The following LARP1B variants were observed in gnomAD, a reference collection of about 807,000 sequenced individuals.
The protein encoded by LARP1B is la-related protein 1B.
A neutral mutation model predicts 114.2 loss-of-function variants in LARP1B; 76 were observed. That is an observed-to-expected ratio of 0.67 (90% CI 0.55 to 0.81). The LOEUF is 0.81. Among genes scored for constraint, LARP1B ranks in the 30% least tolerant of loss-of-function variants. The probability of loss-of-function intolerance (pLI) is 0.00; values close to 1 mark genes in which losing one functional copy is unlikely to be tolerated. For missense variants in LARP1B, 1,014 were observed against 1,075.8 expected (o/e 0.94, Z 0.80); for synonymous variants, 345 against 348.0 (o/e 0.99, Z 0.10).
chr4:128,153,293 A>G (rs1223059324), intron 11 of LARP1B, among the ~76,000 whole-genome samples: 1 of 18,774 alleles, frequency 5.3e-5, no homozygotes, highest in African/African-American at 2.9e-4. Flanking sequence ...TTGGTTTGCC[A>G]TTTATTTATT....
At chr4:128,108,087 C>T (rs1782720518) in intron 9 of LARP1B, 2 of 1,398,976 alleles carry the variant, frequency 1.4e-6, no homozygotes. Context: ...AGATAACCAC[C>T]TTTGCGATAA....
At chr4:128,077,694 T>G in intron 3 of LARP1B, 94 bp from the exon 4 acceptor site, 1 of 1,293,514 alleles carries the variant, frequency 7.7e-7, no homozygotes, top group Non-Finnish European at 1.0e-6. Context: ...GTCATTTGTT[T>G]TGCAATTTTA....
At chr4:128,160,551 A>G (rs748265473) in intron 11 of LARP1B, among the ~76,000 whole-genome samples, 8 of 152,088 alleles carry the variant, frequency 5.3e-5, no homozygotes, top group Non-Finnish European at 2.9e-5. Context: ...TATGTTATAC[A>G]TTAATGAATT....
At chr4:128,188,108 C>CT (rs1750954569) in intron 15 of LARP1B, among the ~76,000 whole-genome samples, 1 of 147,476 alleles carries the variant, frequency 6.8e-6, no homozygotes, top group Admixed American at 6.8e-5. Context: ...GAGTTTTGCT[C>CT]TTGTTGCCCA....
At chr4:128,117,499 C>T (rs1786288130) in intron 10 of LARP1B, among the ~76,000 whole-genome samples, 1 of 152,266 alleles carries the variant, frequency 6.6e-6, no homozygotes, top group Admixed American at 6.5e-5. Flanking sequence ...GATTCTCCTG[C>T]CTCAGCCTCC....
chr4:128,099,286 C>T (rs77127563), intron 8 of LARP1B, among the ~76,000 whole-genome samples: 2,319 of 146,334 alleles, frequency 0.016, 54 homozygotes, highest in East Asian at 0.099. Context: ...TTCTTTTTTT[C>T]TTTCTTTTTT....
In LARP1B at chr4:128,074,991, GGAGT is replaced by G; in HGVS notation, c.42+3_42+6del. 1 of 1,599,654 alleles carries G rather than the reference GGAGT, an allele frequency of 6.3e-7. No individual in the cohort carries two copies. Among genetic ancestry groups the G allele is most frequent in the Non-Finnish European group, 8.6e-7 (1 of 1,168,334 alleles). On this transcript the variant is annotated splice_donor_variant and coding_sequence_variant, in exon 3 of 20. Coordinates refer to ENST00000326639, the MANE Select transcript of LARP1B (RefSeq NM_018078.4). LOFTEE classifies it high-confidence loss of function. ...AACACCAAGTGAATTAGTGAACACT[GGAGT>G]GAGTATTGTTTTAAAGTTTTTTTTT...
At chr4:128,132,664 G>A (rs909093051) in intron 11 of LARP1B, among the ~76,000 whole-genome samples, 4 of 151,952 alleles carry the variant, frequency 2.6e-5, no homozygotes, top group Admixed American at 6.6e-5. Flanking sequence ...TGTGAAAGGA[G>A]CCATCATAAA....
chr4:128,078,706 C>T (rs1226381927), intron 4 of LARP1B, among the ~76,000 whole-genome samples: 2 of 151,966 alleles, frequency 1.3e-5, no homozygotes, highest in African/African-American at 2.4e-5. Flanking sequence ...ATATCCTTTT[C>T]CATTTTCTTT....
intron 11 of LARP1B, among the ~76,000 whole-genome samples, chr4:128,131,879 GATAACT>G (rs1275942761): frequency 6.6e-6 from 1 of 152,148 alleles, no homozygotes; most frequent in African/African-American, 2.4e-5. Context: ...TACCCAAAAG[GATAACT>G]ATAATAAAGA....
chr4:128,201,395 A>G (rs1755885272), intron 17 of LARP1B, among the ~76,000 whole-genome samples: 1 of 152,200 alleles, frequency 6.6e-6, no homozygotes, highest in African/African-American at 2.4e-5. Context: ...CCTTGCATGT[A>G]CATATACATA....
chr4:128,099,336 G>A (rs1179081704), intron 8 of LARP1B, among the ~76,000 whole-genome samples: 2 of 141,936 alleles, frequency 1.4e-5, no homozygotes, highest in African/African-American at 5.2e-5. Flanking sequence ...TGCCCAGTAT[G>A]GAGTGCAGTG....
At position 128,081,019 on chromosome 4, in the gene LARP1B, AT is replaced by A. The variant is rs547362222; in HGVS notation, c.218-1137del. Among the ~76,000 whole-genome samples, 430 of 150,942 alleles carry A rather than the reference AT, an allele frequency of 2.8e-3. 2 individuals are homozygous for A. Among genetic ancestry groups the A allele is most frequent in the African/African-American group, 9.7e-3 (398 of 41,160 alleles). ...AGCCTAAGAATTTTAAATTAAACAGATTTTTTTTTAAAAAAGCCTAAGAATC... is the reference window on the plus strand; with the variant it reads ...AGCCTAAGAATTTTAAATTAAACAGATTTTTTTTAAAAAAGCCTAAGAATC... On this transcript the variant is annotated intron_variant, in intron 4 of 19. Transcript: ENST00000326639.
chr4:128,150,908 T>G (rs535273202), intron 11 of LARP1B, among the ~76,000 whole-genome samples: 1 of 152,210 alleles, frequency 6.6e-6, no homozygotes, highest in Non-Finnish European at 1.5e-5. Context: ...TGCTTAAGCT[T>G]CTTCTTTCTA....
At chr4:128,155,358 C>T in intron 11 of LARP1B, 1 of 560,014 alleles carries the variant, frequency 1.8e-6, no homozygotes, top group Non-Finnish European at 3.2e-6. Context: ...AGCCAGCGGC[C>T]GTGGACCACG....
At chr4:128,172,252 T>C (rs1744040229) in intron 12 of LARP1B, among the ~76,000 whole-genome samples, 1 of 152,186 alleles carries the variant, frequency 6.6e-6, no homozygotes, top group Non-Finnish European at 1.5e-5. Context: ...TGTCACCTAT[T>C]TTAAGCACCT....
intron 7 of LARP1B, among the ~76,000 whole-genome samples, chr4:128,097,693 A>T (rs1037726451): frequency 3.9e-5 from 6 of 152,304 alleles, no homozygotes; most frequent in Admixed American, 6.5e-5. Flanking sequence ...AACTTAGAAA[A>T]CAAAATGAAC....
chr4:128,148,744 A>G (rs565876463), intron 11 of LARP1B, among the ~76,000 whole-genome samples: 1 of 152,132 alleles, frequency 6.6e-6, no homozygotes, highest in East Asian at 1.9e-4. Context: ...ATTCTGCTGC[A>G]GCCTCCTGAG....
intron 13 of LARP1B, 81 bp from the exon 14 acceptor site, chr4:128,178,350 A>G (rs1429509638): frequency 2.0e-6 from 2 of 977,796 alleles, no homozygotes. Flanking sequence ...TTGAGCTTAG[A>G]GAATTACAAA....
Sources: gnomAD v4.1 joint callset for allele counts (sites outside exome capture counted in the v4.1 genomes callset) on GRCh38, gnomAD v4.1.1 for gene constraint, MANE v1.5 for transcripts, NCBI Gene and HGNC (gene_info 2026-07-23, HGNC 2026-07-21) for gene names.